SLC8A1: variants seen among roughly 807,000 people sequenced by gnomAD.
SLC8A1 encodes solute carrier family 8 member A1.
SLC8A1 carries 18 observed loss-of-function variants against 68.3 expected under a neutral mutation model. That is an observed-to-expected ratio of 0.26 (90% CI 0.18 to 0.39). The LOEUF is 0.39. Ranked by LOEUF, SLC8A1 falls within the 10% of genes least tolerant of loss-of-function variation. The pLI is 1.00. For missense variants in SLC8A1, 985 were observed against 1,156.7 expected (o/e 0.85, Z 2.15); for synonymous variants, 475 against 415.5 (o/e 1.14, Z -1.74).
chr2:40,369,678 G>A (rs146507677), intron 2 of SLC8A1, among the ~76,000 whole-genome samples: 437 of 152,136 alleles, frequency 2.9e-3, no homozygotes, highest in African/African-American at 0.01. Context: ...CATGGAGTAC[G>A]CAGGGAGCAA....
chr2:40,379,665 G>T (rs531582034), intron 2 of SLC8A1, among the ~76,000 whole-genome samples: 1 of 151,096 alleles, frequency 6.6e-6, no homozygotes, highest in Non-Finnish European at 1.5e-5. Context: ...TCCCTGCAGA[G>T]AATGTGTCTG....
chr2:40,368,766 T>A (rs1677065455), intron 2 of SLC8A1, among the ~76,000 whole-genome samples: 1 of 151,926 alleles, frequency 6.6e-6, no homozygotes, highest in Non-Finnish European at 1.5e-5. Context: ...GTTGTTCCCC[T>A]CTATGTGCCT....
intron 2 of SLC8A1, among the ~76,000 whole-genome samples, chr2:40,205,509 G>T (rs1359912708): frequency 6.6e-6 from 1 of 151,898 alleles, no homozygotes; most frequent in East Asian, 1.9e-4. Flanking sequence ...GACATGGATG[G>T]AGCTGGAGGC....
intron 2 of SLC8A1, among the ~76,000 whole-genome samples, chr2:40,403,898 ATAAG>A (rs1689515120): frequency 6.6e-6 from 1 of 152,224 alleles, no homozygotes; most frequent in Admixed American, 6.5e-5. Context: ...CCTAAAGGAA[ATAAG>A]TAAAAAGCTT....
At chr2:40,117,961 T>A (rs891968503) in intron 7 of SLC8A1, among the ~76,000 whole-genome samples, 2 of 152,072 alleles carry the variant, frequency 1.3e-5, no homozygotes, top group African/African-American at 2.4e-5. Flanking sequence ...TGAAAGGGAG[T>A]TGGTCAATTC....
intron 2 of SLC8A1, among the ~76,000 whole-genome samples, chr2:40,398,655 G>T (rs1340732115): frequency 1.3e-5 from 2 of 152,128 alleles, no homozygotes; most frequent in Non-Finnish European, 2.9e-5. Flanking sequence ...AATAAAATAT[G>T]TGAACATCTT....
At chr2:40,209,330 C>T (rs2148763729) in intron 2 of SLC8A1, 1 of 152,228 alleles carries the variant, frequency 6.6e-6, no homozygotes, top group East Asian at 1.9e-4. Context: ...AGACAGTACA[C>T]ATATGTGCTA....
chr2:40,172,067 G>T (rs559977722), intron 4 of SLC8A1, among the ~76,000 whole-genome samples: 1 of 152,322 alleles, frequency 6.6e-6, no homozygotes, highest in African/African-American at 2.4e-5. Context: ...CAAAGTCCCA[G>T]GGCTAGATTA....
chr2:40,472,436 C>T (rs575007910), intron 1 of SLC8A1, among the ~76,000 whole-genome samples: 6 of 152,178 alleles, frequency 3.9e-5, no homozygotes, highest in Admixed American at 2.6e-4. Context: ...GAATTGTTTG[C>T]CAATTATCAC....
intron 7 of SLC8A1, among the ~76,000 whole-genome samples, chr2:40,128,779 A>T (rs17025179): frequency 0.17 from 26,496 of 152,176 alleles, 2,908 homozygotes; most frequent in African/African-American, 0.31. Context: ...AAAATATCTC[A>T]TGTAATTTAC....
At chr2:40,400,117 G>A (rs2149649434) in intron 2 of SLC8A1, among the ~76,000 whole-genome samples, 1 of 152,236 alleles carries the variant, frequency 6.6e-6, no homozygotes, top group African/African-American at 2.4e-5. Context: ...CCCCCTTAGA[G>A]TTGTGAGCCC....
chr2:40,299,889 C>T (rs754006402), intron 2 of SLC8A1, among the ~76,000 whole-genome samples: 3 of 152,176 alleles, frequency 2.0e-5, no homozygotes, highest in Non-Finnish European at 2.9e-5. Context: ...GCAAAATCTC[C>T]AGAAGAATCT....
intron 2 of SLC8A1, among the ~76,000 whole-genome samples, chr2:40,389,509 C>T (rs886443094): frequency 2.0e-5 from 3 of 151,994 alleles, no homozygotes; most frequent in African/African-American, 7.2e-5. Context: ...TACACTGAGA[C>T]AAAATGTGGT....
chr2:40,212,736 C>T (rs2056830999), intron 2 of SLC8A1, among the ~76,000 whole-genome samples: 1 of 152,214 alleles, frequency 6.6e-6, no homozygotes, highest in Non-Finnish European at 1.5e-5. Context: ...TTTCTTCTTG[C>T]TTGCTCTTTT....
intron 1 of SLC8A1, among the ~76,000 whole-genome samples, chr2:40,468,399 A>G (rs1017742637): frequency 1.3e-5 from 2 of 152,126 alleles, no homozygotes; most frequent in African/African-American, 4.8e-5. Flanking sequence ...ACAATTACTT[A>G]GTTTATTTTA....
chr2:40,308,761 T>C (rs570495123), intron 2 of SLC8A1, among the ~76,000 whole-genome samples: 50 of 152,192 alleles, frequency 3.3e-4, no homozygotes, highest in East Asian at 3.9e-4. Context: ...GCCATGGAGA[T>C]CAGACACCTG....
chr2:40,393,240 C>T (rs1168675975), intron 2 of SLC8A1, among the ~76,000 whole-genome samples: 38 of 152,038 alleles, frequency 2.5e-4, no homozygotes, highest in Admixed American at 2.5e-3. Context: ...GATTAGAACA[C>T]ACTTCAAACC....
intron 2 of SLC8A1, among the ~76,000 whole-genome samples, chr2:40,353,508 T>A (rs1671749807): frequency 6.6e-6 from 1 of 152,018 alleles, no homozygotes; most frequent in Non-Finnish European, 1.5e-5. Flanking sequence ...TCATGCCTCA[T>A]TACAACATCG....
intron 2 of SLC8A1, among the ~76,000 whole-genome samples, chr2:40,200,220 T>TATAAA (rs1558722244): frequency 5.5e-4 from 2 of 3,650 alleles, no homozygotes; most frequent in African/African-American, 1.2e-3. Flanking sequence ...ATATATATAT[T>TATAAA]TTTTTATATA....
Sources: allele counts gnomAD v4.1 joint callset (sites outside exome capture counted in the v4.1 genomes callset), GRCh38; gene constraint gnomAD v4.1.1; transcripts MANE v1.5; gene names NCBI Gene and HGNC (gene_info 2026-07-23, HGNC 2026-07-21).